Variants in DIP2C observed in about 807,000 individuals in gnomAD.
DIP2C encodes the protein disco-interacting protein 2 homolog C.
A neutral mutation model predicts 192.4 loss-of-function variants in DIP2C; 33 were observed. The observed-to-expected ratio is 0.17, with a 90% CI of 0.13 to 0.23. DIP2C has a LOEUF of 0.23. Ranked by LOEUF, DIP2C falls within the 10% of genes least tolerant of loss-of-function variation. The pLI, the probability that DIP2C is intolerant of heterozygous loss-of-function variation, is 1.00. For synonymous variants in DIP2C, 979 were observed against 864.1 expected (o/e 1.13, Z -2.33); for missense variants, 1,537 against 2,110.1 (o/e 0.73, Z 5.32).
intron 1 of DIP2C, among the ~76,000 whole-genome samples, chr10:628,316 G>A (rs145913270): frequency 3.3e-5 from 5 of 152,304 alleles, no homozygotes; most frequent in East Asian, 1.9e-4. Context: ...CCTGAAGAAC[G>A]AGACCATTGG....
intron 1 of DIP2C, among the ~76,000 whole-genome samples, chr10:580,921 CCTT>C (rs1470392082): frequency 2.0e-5 from 3 of 151,988 alleles, no homozygotes; most frequent in Non-Finnish European, 2.9e-5. Context: ...ATGAAGCACT[CCTT>C]AAAAAATTAG....
chr10:594,531 T>A (rs961727336), intron 1 of DIP2C, among the ~76,000 whole-genome samples: 1 of 151,864 alleles, frequency 6.6e-6, no homozygotes, highest in Admixed American at 6.6e-5. Flanking sequence ...CATGGCCGAG[T>A]ACAGACCATT....
At chr10:412,213 T>C (rs1308063512) in intron 8 of DIP2C, among the ~76,000 whole-genome samples, 1 of 152,232 alleles carries the variant, frequency 6.6e-6, no homozygotes, top group Non-Finnish European at 1.5e-5. Context: ...CTTATTGTCT[T>C]TGATTTCCCA....
intron 32 of DIP2C, among the ~76,000 whole-genome samples, chr10:304,751 CAT>C (rs1474477670): frequency 2.4e-4 from 18 of 74,440 alleles, no homozygotes; most frequent in African/African-American, 3.5e-4. Flanking sequence ...CTTACACACA[CAT>C]AAAACAGTAC....
chr10:387,496 CG>C (rs911456981), intron 14 of DIP2C, among the ~76,000 whole-genome samples: 6 of 70,000 alleles, frequency 8.6e-5, no homozygotes, highest in South Asian at 6.0e-4. Context: ...GTGCGGGCGG[CG>C]GGGGGGCGAC....
At chr10:386,342 T>C (rs982814157) in intron 14 of DIP2C, among the ~76,000 whole-genome samples, 1 of 152,230 alleles carries the variant, frequency 6.6e-6, no homozygotes, top group Non-Finnish European at 1.5e-5. Flanking sequence ...GAGAAGGGAC[T>C]TGGACGCACG....
chr10:438,122 C>G (rs917457912), intron 4 of DIP2C, among the ~76,000 whole-genome samples: 1 of 152,170 alleles, frequency 6.6e-6, no homozygotes, highest in Non-Finnish European at 1.5e-5. Flanking sequence ...CTAGTCAAAT[C>G]CAAATATTTC....
intron 31 of DIP2C, among the ~76,000 whole-genome samples, chr10:321,661 A>ACG: frequency 3.3e-5 from 2 of 61,430 alleles, no homozygotes; most frequent in African/African-American, 8.1e-5. Flanking sequence ...CGCTGTTAGA[A>ACG]CAGTCAGTCG....
At chr10:578,744 C>G (rs1850352052) in intron 1 of DIP2C, among the ~76,000 whole-genome samples, 1 of 151,988 alleles carries the variant, frequency 6.6e-6, no homozygotes, top group Non-Finnish European at 1.5e-5. Context: ...AACATGTGTA[C>G]ATGCATAGTG....
intron 1 of DIP2C, among the ~76,000 whole-genome samples, chr10:487,235 G>C (rs1225311213): frequency 6.6e-6 from 1 of 152,186 alleles, no homozygotes; most frequent in Non-Finnish European, 1.5e-5. Context: ...AGCACACACA[G>C]AATACTCATT....
chr10:470,866 CTG>C (rs1306403496), intron 3 of DIP2C, among the ~76,000 whole-genome samples: 2 of 152,186 alleles, frequency 1.3e-5, no homozygotes, highest in Non-Finnish European at 2.9e-5. Flanking sequence ...CCACTGGCCT[CTG>C]TGAGAACTGA....
intron 1 of DIP2C, among the ~76,000 whole-genome samples, chr10:537,425 T>A (rs1421081149): frequency 6.6e-6 from 1 of 152,212 alleles, no homozygotes; most frequent in Non-Finnish European, 1.5e-5. Flanking sequence ...AGACTCCGGT[T>A]CCTTTCAATT....
intron 29 of DIP2C, among the ~76,000 whole-genome samples, chr10:336,137 G>A (rs1332864104): frequency 2.6e-5 from 4 of 152,218 alleles, no homozygotes; most frequent in African/African-American, 9.7e-5. Flanking sequence ...GGGAGGCTGA[G>A]GTGGGAGGAT....
At chr10:514,518 G>A (rs1254306002) in intron 1 of DIP2C, among the ~76,000 whole-genome samples, 1 of 152,204 alleles carries the variant, frequency 6.6e-6, no homozygotes, top group Non-Finnish European at 1.5e-5. Context: ...CCAAGTCCAG[G>A]CTGTCTGTGG....
At chr10:506,804 G>A (rs1845620184) in intron 1 of DIP2C, among the ~76,000 whole-genome samples, 2 of 152,236 alleles carry the variant, frequency 1.3e-5, no homozygotes, top group South Asian at 4.1e-4. Context: ...CAGGAAACGA[G>A]CCCCTCACTG....
At chr10:558,998 G>A (rs952762191) in intron 1 of DIP2C, among the ~76,000 whole-genome samples, 2 of 150,762 alleles carry the variant, frequency 1.3e-5, no homozygotes, top group African/African-American at 4.9e-5. Flanking sequence ...GAGTTAGGTC[G>A]TGGGGCCAAG....
intron 9 of DIP2C, among the ~76,000 whole-genome samples, chr10:404,886 T>G (rs890672007): frequency 2.6e-5 from 4 of 152,266 alleles, no homozygotes; most frequent in African/African-American, 9.6e-5. Context: ...ATGAGTGTCA[T>G]GTGACGGACT....
At chr10:351,231 A>G (rs1958794228) in intron 24 of DIP2C, among the ~76,000 whole-genome samples, 3 of 152,216 alleles carry the variant, frequency 2.0e-5, no homozygotes, top group Admixed American at 6.5e-5. Flanking sequence ...GATGCTGGGA[A>G]AAGCACGTCA....
intron 2 of DIP2C, among the ~76,000 whole-genome samples, chr10:486,199 T>C (rs11252693): frequency 0.39 from 60,037 of 152,218 alleles, 13,514 homozygotes; most frequent in East Asian, 0.66. Context: ...GATTATAGCA[T>C]TTTAAAGTAA....
Sources: allele counts gnomAD v4.1 joint callset (sites outside exome capture counted in the v4.1 genomes callset), GRCh38; gene constraint gnomAD v4.1.1; transcripts MANE v1.5; gene names NCBI Gene and HGNC (gene_info 2026-07-23, HGNC 2026-07-21).